PLB1: variants seen among roughly 807,000 people sequenced by gnomAD.
PLB1 encodes phospholipase B1, membrane-associated.
PLB1 carries 242 observed loss-of-function variants against 227.4 expected under a neutral mutation model. The observed-to-expected ratio is 1.06, with a 90% CI of 0.96 to 1.18. PLB1 has a LOEUF of 1.18. Ranked by LOEUF, PLB1 falls within the 50% of genes most tolerant of loss-of-function variation. The probability of loss-of-function intolerance (pLI) is 0.00; values close to 1 mark genes in which losing one functional copy is unlikely to be tolerated. For missense variants in PLB1, 1,858 were observed against 1,816.3 expected, an observed-to-expected ratio of 1.02 and a Z score of -0.42; for synonymous variants, 757 against 682.2, an observed-to-expected ratio of 1.11 and a Z score of -1.71.
At position 28,625,090 on chromosome 2, in the gene PLB1, G is replaced by A; in HGVS notation, c.3561G>A (p.Glu1187=). ...CAGCCCAGGCCTGGGACCTGGTAGA[G>A]CGAATGAAAAACAGCCCCGTGAGTA... is the stretch of plus-strand genomic sequence containing the variant. The part of the protein sequence containing the change: ...DMPAQAWDLV[E]RMKNSPDINL... The change falls in exon 50 of 58, where the codon GAG becomes GAA. Residue 1187 remains glutamate (E), a synonymous_variant. Coordinates refer to ENST00000327757, the MANE Select transcript of PLB1 (RefSeq NM_153021.5). The A allele has an allele frequency of 1.2e-6, 2 of 1,613,482 alleles. No individual in the cohort carries two copies. Among genetic ancestry groups the A allele is most frequent in the Non-Finnish European group, 1.7e-6 (2 of 1,179,642 alleles).
chr2:28,624,848 A>G (rs539644070), intron 49 of PLB1, among the ~76,000 whole-genome samples: 62 of 152,190 alleles, frequency 4.1e-4, no homozygotes, highest in African/African-American at 1.4e-3. Context: ...CGATGAGACT[A>G]TTGGGTGGCA....
chr2:28,601,421 C>A, intron 37 of PLB1, 89 bp downstream of exon 37: 1 of 1,059,330 alleles, frequency 9.4e-7, no homozygotes, highest in South Asian at 1.3e-5. Context: ...TTCCTAAAAC[C>A]AATCCTAGGA....
chr2:28,549,904 G>A, intron 15 of PLB1, 106 bp from the exon 16 acceptor site: 3 of 870,594 alleles, frequency 3.4e-6, no homozygotes, highest in African/African-American at 1.7e-5. Context: ...GAAGCGTGAT[G>A]TGAATGTTCC....
At chr2:28,550,523 C>T (rs1334126188) in intron 16 of PLB1, among the ~76,000 whole-genome samples, 1 of 130,670 alleles carries the variant, frequency 7.7e-6, no homozygotes, top group Non-Finnish European at 1.7e-5. Context: ...AACCTCAATA[C>T]AATTTTTTTT....
At chr2:28,614,807 G>A (rs543058908) in intron 44 of PLB1, among the ~76,000 whole-genome samples, 7 of 152,266 alleles carry the variant, frequency 4.6e-5, no homozygotes, top group African/African-American at 7.2e-5. Context: ...AACATGGTCC[G>A]GACCAAGGGA....
chr2:28,515,104 C>G (rs1668688581), intron 1 of PLB1, among the ~76,000 whole-genome samples: 1 of 152,220 alleles, frequency 6.6e-6, no homozygotes, highest in Non-Finnish European at 1.5e-5. Flanking sequence ...GTGCTTAGAA[C>G]AGTGCCTGGC....
intron 33 of PLB1, among the ~76,000 whole-genome samples, chr2:28,597,126 T>C (rs1246863312): frequency 6.6e-6 from 1 of 151,786 alleles, no homozygotes; most frequent in Non-Finnish European, 1.5e-5. Context: ...TAGCTGGGCA[T>C]GGTGGCGGGT....
At chr2:28,640,825 A>C in intron 56 of PLB1, 102 bp from the exon 57 acceptor site, 4 of 1,227,456 alleles carry the variant, frequency 3.3e-6, no homozygotes, top group Non-Finnish European at 3.5e-6. Flanking sequence ...TCTATCCCCC[A>C]CCCCGTTCCC....
intron 1 of PLB1, among the ~76,000 whole-genome samples, chr2:28,511,970 T>A (rs1558643043): frequency 1.3e-5 from 2 of 149,242 alleles, no homozygotes; most frequent in Non-Finnish European, 3.0e-5. Flanking sequence ...TTTTTTTTTT[T>A]AGTAGAGATG....
At chr2:28,640,155 G>A (rs1353336543) in intron 56 of PLB1, among the ~76,000 whole-genome samples, 2 of 152,214 alleles carry the variant, frequency 1.3e-5, no homozygotes, top group African/African-American at 4.8e-5. Flanking sequence ...CCTGTGGTCA[G>A]GAGCAGGCAG....
At chr2:28,523,481 T>TA (rs1669818805) in intron 4 of PLB1, among the ~76,000 whole-genome samples, 3 of 151,900 alleles carry the variant, frequency 2.0e-5, no homozygotes, top group Admixed American at 2.0e-4. Context: ...GTATCTGCCA[T>TA]AAGGCACACA....
At chr2:28,624,856 G>A (rs1487931565) in intron 49 of PLB1, among the ~76,000 whole-genome samples, 1 of 152,076 alleles carries the variant, frequency 6.6e-6, no homozygotes, top group Non-Finnish European at 1.5e-5. Context: ...CTATTGGGTG[G>A]CAGGGGCTAG....
At chr2:28,614,471 A>G (rs766417511) in intron 44 of PLB1, among the ~76,000 whole-genome samples, 1 of 152,030 alleles carries the variant, frequency 6.6e-6, no homozygotes, top group African/African-American at 2.4e-5. Context: ...GGGAACTACA[A>G]TTCTGGGGAT....
intron 21 of PLB1, 38 bp downstream of exon 21, chr2:28,573,343 C>G: frequency 1.3e-6 from 2 of 1,481,632 alleles, no homozygotes; most frequent in Non-Finnish European, 1.9e-6. Context: ...CAGCACAGGT[C>G]CTCTGAGGAC....
At chr2:28,519,974 G>T (rs1180472226) in intron 4 of PLB1, among the ~76,000 whole-genome samples, 1 of 151,838 alleles carries the variant, frequency 6.6e-6, no homozygotes, top group Non-Finnish European at 1.5e-5. Flanking sequence ...TGTCACCCGG[G>T]CTGGAGTGTA....
chr2:28,541,745 T>G lies in PLB1; in HGVS notation c.813T>G (p.Ser271Arg). The change falls in exon 13 of 58, where the codon AGT (serine) becomes AGG (arginine). Residue 271 changes from serine to arginine, a missense_variant. Ser to Arg is a moderately radical substitution (Grantham distance 110). Transcript: ENST00000327757. ...GCCTCCTGGCCTCCAGCAGGTACAG[T>G]GAGCAGGAGTCCTTCACCGTGGTTT... ...WNSLLASSRY[S>R]EQESFTVVFQ... is the part of the protein sequence containing the mutation. 6.2e-7 allele frequency: 1 copy of G among 1,614,062 alleles called. No individual in the cohort carries two copies.
chr2:28,511,688 T>TTACTTA (rs1668275253), intron 1 of PLB1, among the ~76,000 whole-genome samples: 1 of 152,242 alleles, frequency 6.6e-6, no homozygotes, highest in Admixed American at 6.5e-5. Context: ...AGTAAGATTC[T>TTACTTA]CTGTGCTTAT....
intron 17 of PLB1, among the ~76,000 whole-genome samples, chr2:28,558,093 A>C (rs1675422298): frequency 6.6e-6 from 1 of 152,122 alleles, no homozygotes; most frequent in African/African-American, 2.4e-5. Flanking sequence ...GCCATAGACC[A>C]ATCAGTCTAT....
intron 4 of PLB1, among the ~76,000 whole-genome samples, chr2:28,524,762 A>T (rs1322488605): frequency 2.0e-5 from 3 of 152,020 alleles, no homozygotes; most frequent in Non-Finnish European, 4.4e-5. Flanking sequence ...GGTCTGACAA[A>T]CATGCTGCAG....
Sources: allele counts gnomAD v4.1 joint callset (sites outside exome capture counted in the v4.1 genomes callset), GRCh38; gene constraint gnomAD v4.1.1; transcripts MANE v1.5; gene names NCBI Gene and HGNC (gene_info 2026-07-23, HGNC 2026-07-21).